The following BBS7 variants were observed in gnomAD, a reference collection of about 807,000 sequenced individuals.
BBS7 encodes Bardet-Biedl syndrome 7, also known as BBSome complex member BBS7.
A neutral mutation model predicts 90.3 loss-of-function variants in BBS7; 50 were observed. That is an observed-to-expected ratio of 0.55 (90% CI 0.44 to 0.70). The LOEUF (loss-of-function observed/expected upper bound fraction) is 0.70, where lower values mean the gene tolerates loss of function less well. BBS7 is among the 30% of genes least tolerant of loss of function. The pLI is 0.00. For missense variants in BBS7, 729 were observed against 838.9 expected (o/e 0.87, Z 1.62); for synonymous variants, 235 against 287.4 (o/e 0.82, Z 1.85).
In BBS7 at chr4:121,825,509, G is replaced by A. The variant is rs950614394; in HGVS notation, c.*351C>T. On this transcript the variant is annotated 3_prime_UTR_variant, in exon 19 of 19. Transcript: ENST00000264499. The stretch of plus-strand genomic sequence containing the variant: ...AATACATTTTGAAGCCTATAAAGCG[G>A]TCTACATGTTTATGTGTTTATGTAC... The A allele has an allele frequency of 5.6e-6, 1 of 177,272 alleles. No individual in the cohort carries two copies. The highest frequency in any genetic ancestry group is 2.4e-5 in the African/African-American group (1 of 41,914). The allele number at this position is 177,272 out of a possible 1,614,324, so 11.0% of individuals were successfully genotyped here.
At chr4:121,844,352 G>C (rs1725895435) in intron 11 of BBS7, among the ~76,000 whole-genome samples, 1 of 152,050 alleles carries the variant, frequency 6.6e-6, no homozygotes. Context: ...GATTGTATCA[G>C]TTCATTTTTA....
At chr4:121,854,665 C>T in intron 7 of BBS7, 39 bp downstream of exon 7, 1 of 1,590,086 alleles carries the variant, frequency 6.3e-7, no homozygotes, top group Non-Finnish European at 8.6e-7. Context: ...ACTTAATAAT[C>T]ATTGACACCT....
chr4:121,833,440 T>A lies in BBS7; in HGVS notation c.1512-45A>T, dbSNP rs780898895. The A allele has an allele frequency of 3.2e-6, 5 of 1,563,880 alleles. No homozygotes were observed. The South Asian group carries it at 5.6e-5, about 17-fold the overall frequency. On this transcript the variant is annotated intron_variant, in intron 14 of 18. Transcript: ENST00000264499. ...GCGCACATTTATGTGTGGGAATACA[T>A]GAAAGTATTATATGTACACGTTAAT...
chr4:121,828,556 A>G (rs1044927725), intron 16 of BBS7, 51 bp from the exon 17 acceptor site: 1 of 1,551,396 alleles, frequency 6.4e-7, no homozygotes, highest in Admixed American at 1.7e-5. Flanking sequence ...GATCAGAAAC[A>G]TTAATAATGT....
At chr4:121,836,917 TTTTG>T (rs1185871121) in intron 13 of BBS7, among the ~76,000 whole-genome samples, 1 of 152,024 alleles carries the variant, frequency 6.6e-6, no homozygotes, top group African/African-American at 2.4e-5. Flanking sequence ...GGTAGAACTT[TTTTG>T]TTTGTTAGCT....
At chr4:121,838,174 GCT>G (rs1163112071) in intron 13 of BBS7, among the ~76,000 whole-genome samples, 3 of 151,410 alleles carry the variant, frequency 2.0e-5, no homozygotes, top group African/African-American at 7.3e-5. Context: ...GCAGAAACTT[GCT>G]CAATGTAAAA....
rs775790564 is a variant in BBS7 at position 121,854,704 on chromosome 4, C to T, written c.718G>A (p.Gly240Ser). 3.1e-6 allele frequency: 5 copies of T among 1,610,622 alleles called. No individual in the cohort carries two copies. The highest frequency in any genetic ancestry group is 1.7e-6 in the Non-Finnish European group (2 of 1,178,108). The change falls in exon 7 of 19, where the codon GGT becomes AGT. Residue 240 changes from glycine (G) to serine (S), a missense_variant and splice_region_variant. Coordinates refer to ENST00000264499, the MANE Select transcript of BBS7 (RefSeq NM_176824.3). ...WEIQNEKKRG[G>S]ILCIDSFDIV... is the part of the protein sequence containing the mutation. ...AATCTGAACTACATGAAAAGCATAC[C>T]TCCTCTCTTTTTCTCATTTTGAATT...
rs3736425 is a variant in BBS7 at position 121,863,163 on chromosome 4, A to C, written c.165+54T>G. The C allele has an allele frequency of 2.4e-5, 37 of 1,532,700 alleles. No homozygotes were observed. The East Asian group carries it at 8.3e-4, about 34-fold the overall frequency. 94.9% of individuals were successfully genotyped at this position (1,532,700 alleles called of 1,614,324 possible). On this transcript the variant is annotated intron_variant, in intron 3 of 18. Transcript: ENST00000264499. ...TTTTTAACCTAGTATTATTCAATAA[A>C]TAGTGCATTCTCTTTTAGAAAACCA...
At chr4:121,867,208 G>T (rs1727330066) in intron 2 of BBS7, among the ~76,000 whole-genome samples, 1 of 151,686 alleles carries the variant, frequency 6.6e-6, no homozygotes, top group Non-Finnish European at 1.5e-5. Flanking sequence ...TTGTGTTCTT[G>T]ATTTCTTTTT....
rs1394128140 is a variant in BBS7 at position 121,845,456 on chromosome 4, G to A, written c.1230+48C>T. The A allele has an allele frequency of 6.3e-6, 9 of 1,422,402 alleles. No individual in the cohort carries two copies. In the African/African-American group the frequency reaches 9.9e-5, roughly 16 times the overall value. 88.1% of individuals were successfully genotyped at this position (1,422,402 alleles called of 1,614,324 possible). A position where few individuals can be genotyped will look rare whatever the true frequency, so the allele number is the denominator to read the frequency against. ...AATAATTAGTACATATGACTGGTTT[G>A]CAAAATAGATCCAGTCATAAAACTA... On this transcript the variant is annotated intron_variant, in intron 11 of 18. Transcript: ENST00000264499.
At chr4:121,862,658 G>A (rs894188674) in intron 3 of BBS7, among the ~76,000 whole-genome samples, 2 of 152,148 alleles carry the variant, frequency 1.3e-5, no homozygotes, top group African/African-American at 4.8e-5. Context: ...GAAATTTCCT[G>A]CTGGCTTTGA....
intron 7 of BBS7, among the ~76,000 whole-genome samples, chr4:121,853,463 T>C (rs746286361): frequency 6.6e-6 from 1 of 152,028 alleles, no homozygotes; most frequent in African/African-American, 2.4e-5. Flanking sequence ...CCCATCTCCA[T>C]AAATTATTCT....
At chr4:121,832,052 C>G (rs1162015237) in intron 15 of BBS7, among the ~76,000 whole-genome samples, 3 of 125,486 alleles carry the variant, frequency 2.4e-5, no homozygotes, top group Admixed American at 7.4e-5. Flanking sequence ...ACAAAACAAA[C>G]AACCTACAGG....
chr4:121,830,133 G>A (rs1365347951), intron 15 of BBS7, among the ~76,000 whole-genome samples: 1 of 152,160 alleles, frequency 6.6e-6, no homozygotes, highest in African/African-American at 2.4e-5. Context: ...CCGTTGTGGT[G>A]GCTCACGCCT....
chr4:121,828,532 A>G, intron 16 of BBS7, 27 bp from the exon 17 acceptor site: 1 of 1,576,062 alleles, frequency 6.3e-7, no homozygotes. Flanking sequence ...AGATGCAGTT[A>G]GATAAATCAC....
In BBS7 at chr4:121,825,979, G is replaced by C. The variant is rs1403176454; in HGVS notation, c.2029C>G (p.Leu677Val). 6.3e-7 allele frequency: 1 copy of C among 1,599,128 alleles called. No individual in the cohort carries two copies. Residue 677 changes from leucine (L) to valine (V), a missense_variant, in exon 19 of 19, where the codon CTT becomes GTT. Transcript: ENST00000264499. ...TTAAACTTAAATTTATCTATGAAAA[G>C]ATCAGTGATCATGCCTTTAAAGAAA... The part of the protein sequence containing the change: ...LERLYGMITD[L>V]FIDKFKFKGT...
chr4:121,838,219 T>G (rs1725552480), intron 13 of BBS7, among the ~76,000 whole-genome samples: 1 of 152,124 alleles, frequency 6.6e-6, no homozygotes, highest in Non-Finnish European at 1.5e-5. Flanking sequence ...TAGAAATAAA[T>G]TTATCCTAGT....
At chr4:121,841,923 C>G (rs1250189551) in intron 12 of BBS7, among the ~76,000 whole-genome samples, 1 of 151,940 alleles carries the variant, frequency 6.6e-6, no homozygotes, top group Non-Finnish European at 1.5e-5. Flanking sequence ...GTTATAAAAT[C>G]GCTTATTAAA....
rs138455990 is a variant in BBS7, at chr4:121,832,653, G to A, written c.1676+578C>T. Among the ~76,000 whole-genome samples, 35 of 152,230 alleles carry A rather than the reference G, an allele frequency of 2.3e-4. 1 individual carries two copies. The highest frequency in any genetic ancestry group is 2.3e-3 in the South Asian group (11 of 4,824). On this transcript the variant is annotated intron_variant, in intron 15 of 18. Coordinates refer to ENST00000264499, the MANE Select transcript of BBS7 (RefSeq NM_176824.3). ...CGTATAGAACAATATAATGACCTCC[G>A]CACCATATCAGGATAGCTACAAAAA... is the stretch of plus-strand genomic sequence containing the variant.
Sources: gnomAD v4.1 joint callset for allele counts (sites outside exome capture counted in the v4.1 genomes callset) on GRCh38, gnomAD v4.1.1 for gene constraint, MANE v1.5 for transcripts, NCBI Gene and HGNC (gene_info 2026-07-23, HGNC 2026-07-21) for gene names.